Variants in ZDHHC2 observed in about 807,000 individuals in gnomAD.
ZDHHC2 encodes the protein palmitoyltransferase ZDHHC2.
ZDHHC2 carries 51 observed loss-of-function variants against 55.6 expected under a neutral mutation model. The observed-to-expected ratio is 0.92, with a 90% confidence interval of 0.73 to 1.16. ZDHHC2 has a LOEUF of 1.16. ZDHHC2 is among the 50% of genes most tolerant of loss of function. The probability of loss-of-function intolerance (pLI) is 0.00; values close to 1 mark genes in which losing one functional copy is unlikely to be tolerated. For missense variants in ZDHHC2, 491 were observed against 442.4 expected (o/e 1.11, Z -0.99); for synonymous variants, 199 against 152.9 (o/e 1.30, Z -2.22).
intron 3 of ZDHHC2, among the ~76,000 whole-genome samples, chr8:17,193,747 TA>T (rs1400766341): frequency 6.6e-6 from 1 of 152,038 alleles, no homozygotes; most frequent in East Asian, 1.9e-4. Context: ...TTTTTAAATG[TA>T]ATAGTCCATC....
chr8:17,204,489 G>A (rs1806990426), intron 6 of ZDHHC2, among the ~76,000 whole-genome samples: 1 of 152,178 alleles, frequency 6.6e-6, no homozygotes, highest in Admixed American at 6.5e-5. Context: ...ATTCCACATG[G>A]GTGATGTATC....
intron 1 of ZDHHC2, among the ~76,000 whole-genome samples, chr8:17,169,374 C>G (rs1479527169): frequency 6.6e-6 from 1 of 151,978 alleles, no homozygotes; most frequent in Non-Finnish European, 1.5e-5. Context: ...GAGTGCTGGT[C>G]ATCGGGCATG....
intron 1 of ZDHHC2, among the ~76,000 whole-genome samples, chr8:17,181,541 T>C (rs958710182): frequency 6.6e-6 from 1 of 152,190 alleles, no homozygotes; most frequent in African/African-American, 2.4e-5. Context: ...GGAAATGAGA[T>C]AAAGAAGGCT....
chr8:17,218,532 G>A (rs746541495), intron 12 of ZDHHC2, among the ~76,000 whole-genome samples: 11 of 152,054 alleles, frequency 7.2e-5, no homozygotes, highest in Non-Finnish European at 1.5e-4. Context: ...AGACTTCCCA[G>A]TATTTTGACA....
intron 10 of ZDHHC2, among the ~76,000 whole-genome samples, chr8:17,212,676 A>G (rs1807443686): frequency 1.3e-5 from 2 of 152,310 alleles, no homozygotes; most frequent in South Asian, 4.1e-4. Flanking sequence ...CCTTCAAAAT[A>G]TAAGTCAGAT....
At chr8:17,176,589 A>T (rs1050679875) in intron 1 of ZDHHC2, among the ~76,000 whole-genome samples, 1 of 152,148 alleles carries the variant, frequency 6.6e-6, no homozygotes, top group Non-Finnish European at 1.5e-5. Flanking sequence ...CGTGATCAAG[A>T]TCACACATAT....
intron 10 of ZDHHC2, among the ~76,000 whole-genome samples, chr8:17,213,297 C>T (rs906416152): frequency 6.6e-6 from 1 of 151,582 alleles, no homozygotes; most frequent in Non-Finnish European, 1.5e-5. Flanking sequence ...TCTATCACCC[C>T]GTCTGGAGTG....
chr8:17,216,222 A>G (rs1468356438), intron 11 of ZDHHC2, among the ~76,000 whole-genome samples: 2 of 152,200 alleles, frequency 1.3e-5, no homozygotes, highest in Admixed American at 6.6e-5. Flanking sequence ...TTAAAGTGTA[A>G]TGAACCAAAG....
intron 1 of ZDHHC2, among the ~76,000 whole-genome samples, chr8:17,176,832 C>T (rs1805158034): frequency 6.6e-6 from 1 of 151,424 alleles, no homozygotes; most frequent in African/African-American, 2.4e-5. Context: ...AAAAAAGAAA[C>T]AGTTTGACTT....
intron 8 of ZDHHC2, 94 bp downstream of exon 8, chr8:17,208,186 A>G (rs1018978039): frequency 8.7e-5 from 111 of 1,274,080 alleles, no homozygotes; most frequent in Admixed American, 2.4e-4. Context: ...ACTTGCCCTG[A>G]AGTGGTGGGA....
At chr8:17,210,512 A>G in intron 10 of ZDHHC2, 32 bp downstream of exon 10, 1 of 1,540,906 alleles carries the variant, frequency 6.5e-7, no homozygotes, top group Non-Finnish European at 8.8e-7. Flanking sequence ...TTTTACTTTC[A>G]AATAAGATAT....
At chr8:17,200,075 T>G (rs972949293) in intron 6 of ZDHHC2, among the ~76,000 whole-genome samples, 6 of 152,106 alleles carry the variant, frequency 3.9e-5, no homozygotes, top group Admixed American at 3.9e-4. Flanking sequence ...TAATTCTCCT[T>G]ACATTCATTT....
intron 1 of ZDHHC2, among the ~76,000 whole-genome samples, chr8:17,179,695 G>A (rs1374857817): frequency 6.6e-6 from 1 of 152,214 alleles, no homozygotes; most frequent in African/African-American, 2.4e-5. Flanking sequence ...TCATGCGTGG[G>A]CCGCCCAGCC....
At chr8:17,202,515 A>G (rs1324511255) in intron 6 of ZDHHC2, among the ~76,000 whole-genome samples, 2 of 152,216 alleles carry the variant, frequency 1.3e-5, no homozygotes, top group African/African-American at 2.4e-5. Flanking sequence ...CTTAAACAAC[A>G]TAAGAAGAAT....
chr8:17,195,459 T>C (rs1171401279), intron 3 of ZDHHC2, 45 bp from the exon 4 acceptor site: 6 of 1,568,750 alleles, frequency 3.8e-6, no homozygotes, highest in Non-Finnish European at 5.2e-6. Context: ...CAATATGTTA[T>C]AATTTCTTTG....
rs1227683872 is a variant in ZDHHC2 at position 17,157,167 on chromosome 8, A to G, written c.130+314A>G. Among the ~76,000 whole-genome samples, 5 of 152,142 alleles carry G rather than the reference A, an allele frequency of 3.3e-5. No homozygotes were observed. The East Asian group carries it at 7.8e-4, about 24-fold the overall frequency. On this transcript the variant is annotated intron_variant, in intron 1 of 12. Coordinates refer to ENST00000262096, the MANE Select transcript of ZDHHC2 (RefSeq NM_016353.5). ...CCTAGAGGGGCGGAAGGTCCCCGGG[A>G]CCGCTGTGGAGAGGGGAGGCCGAGG...
chr8:17,208,154 G>T, intron 8 of ZDHHC2, 62 bp downstream of exon 8: 2 of 1,428,154 alleles, frequency 1.4e-6, no homozygotes, highest in South Asian at 1.6e-5. Flanking sequence ...TTCATTGACA[G>T]TTGCTATGTG....
chr8:17,180,289 A>G (rs1805363463), intron 1 of ZDHHC2, among the ~76,000 whole-genome samples: 1 of 152,192 alleles, frequency 6.6e-6, no homozygotes, highest in Non-Finnish European at 1.5e-5. Flanking sequence ...ACATCTCATC[A>G]TTACTCTGTG....
At chr8:17,179,322 C>G (rs866145973) in intron 1 of ZDHHC2, among the ~76,000 whole-genome samples, 51 of 152,312 alleles carry the variant, frequency 3.3e-4, no homozygotes, top group African/African-American at 1.1e-3. Flanking sequence ...CCAGATAATA[C>G]AACTGGTGAC....
Sources: gnomAD v4.1 joint callset for allele counts (sites outside exome capture counted in the v4.1 genomes callset) on GRCh38, gnomAD v4.1.1 for gene constraint, MANE v1.5 for transcripts, NCBI Gene and HGNC (gene_info 2026-07-23, HGNC 2026-07-21) for gene names.